DNAH11: variants seen among roughly 807,000 people sequenced by gnomAD.
The protein encoded by DNAH11 is axonemal beta dynein heavy chain 11.
A neutral mutation model predicts 526.0 loss-of-function variants in DNAH11; 442 were observed. The observed-to-expected ratio is 0.84, with a 90% CI of 0.78 to 0.91. DNAH11 has a LOEUF of 0.91. Ranked by LOEUF, DNAH11 falls within the 40% of genes least tolerant of loss-of-function variation. The probability of loss-of-function intolerance (pLI) is 0.00; values close to 1 mark genes in which losing one functional copy is unlikely to be tolerated. For synonymous variants in DNAH11, 2,461 were observed against 1,935.9 expected, an observed-to-expected ratio of 1.27 and a Z score of -7.12; for missense variants, 6,989 against 5,448.7, an observed-to-expected ratio of 1.28 and a Z score of -8.90.
intron 79 of DNAH11, among the ~76,000 whole-genome samples, chr7:21,898,143 C>G (rs1164255099): frequency 6.6e-6 from 1 of 152,152 alleles, no homozygotes; most frequent in Non-Finnish European, 1.5e-5. Flanking sequence ...TTAGTTGTTA[C>G]AAATTGTCTG....
intron 76 of DNAH11, among the ~76,000 whole-genome samples, chr7:21,887,808 C>T (rs1462279622): frequency 6.6e-6 from 1 of 152,188 alleles, no homozygotes; most frequent in Non-Finnish European, 1.5e-5. Context: ...TTTCTTCTCA[C>T]TATAATCTGG....
intron 35 of DNAH11, among the ~76,000 whole-genome samples, chr7:21,693,722 A>T (rs1783725259): frequency 6.6e-6 from 1 of 152,136 alleles, no homozygotes; most frequent in South Asian, 2.1e-4. Flanking sequence ...TATTGGTGTT[A>T]TCTAGTTGAA....
At chr7:21,586,843 T>G (rs1784493277) in intron 9 of DNAH11, among the ~76,000 whole-genome samples, 2 of 152,166 alleles carry the variant, frequency 1.3e-5, no homozygotes, top group Admixed American at 1.3e-4. Context: ...AATGATCAGA[T>G]AACAAAATGA....
rs1784870051 is a variant in DNAH11, at chr7:21,901,670, AAATT to A, written c.*418_*421del. The A allele has an allele frequency of 6.4e-6, 1 of 157,094 alleles. No homozygotes were observed. 9.7% of individuals were successfully genotyped at this position (157,094 alleles called of 1,614,324 possible). ...TTTAATTTTTAACAAACAACAAATT[AAATT>A]ATTAGCCCTTAAACTCTTTCAAAAT... On this transcript the variant is annotated 3_prime_UTR_variant, in exon 82 of 82. Transcript: ENST00000409508.
intron 65 of DNAH11, among the ~76,000 whole-genome samples, chr7:21,824,978 T>A (rs1790213840): frequency 6.6e-6 from 1 of 152,120 alleles, no homozygotes; most frequent in Non-Finnish European, 1.5e-5. Context: ...TTCAAGTGAT[T>A]CTCCTGCCTC....
intron 8 of DNAH11, among the ~76,000 whole-genome samples, chr7:21,575,227 C>A (rs150503808): frequency 7.9e-5 from 12 of 152,256 alleles, no homozygotes; most frequent in Non-Finnish European, 1.0e-4. Context: ...TTGCTTGTTG[C>A]ATCCTCATTG....
intron 45 of DNAH11, among the ~76,000 whole-genome samples, chr7:21,726,590 G>A (rs566527970): frequency 2.0e-4 from 31 of 151,900 alleles, no homozygotes; most frequent in East Asian, 5.9e-4. Context: ...GGCCAGGCGC[G>A]GTGGTTCATA....
chr7:21,793,695 T>C (rs190627907), intron 61 of DNAH11, among the ~76,000 whole-genome samples: 65 of 152,308 alleles, frequency 4.3e-4, no homozygotes, highest in African/African-American at 1.5e-3. Context: ...CTATGTAGTC[T>C]AGTGTTTAGT....
chr7:21,711,700 T>TGGAG lies in DNAH11; in HGVS notation c.6835-11_6835-10insGAGG. 1.2e-6 allele frequency: 2 copies of TGGAG among 1,611,674 alleles called. No homozygotes were observed. The highest frequency in any genetic ancestry group is 1.7e-5 in the Admixed American group (1 of 59,878). ...CTTTTGCCCATGGGTGACAGTGTGC[T>TGGAG]GCTCACTCCAGGTGCTGACCCTCGC... On this transcript the variant is annotated splice_polypyrimidine_tract_variant and intron_variant, in intron 41 of 81. Transcript: ENST00000409508.
intron 64 of DNAH11, among the ~76,000 whole-genome samples, chr7:21,817,870 G>A (rs1789871475): frequency 6.6e-6 from 1 of 152,048 alleles, no homozygotes; most frequent in African/African-American, 2.4e-5. Context: ...TTTAATACAT[G>A]AAACTTTACT....
At chr7:21,567,296 G>A (rs1243767195) in intron 6 of DNAH11, among the ~76,000 whole-genome samples, 1 of 151,866 alleles carries the variant, frequency 6.6e-6, no homozygotes, top group African/African-American at 2.4e-5. Flanking sequence ...TTCTATAATT[G>A]TATTTCCTCT....
At chr7:21,853,558 C>T (rs1434250281) in intron 67 of DNAH11, among the ~76,000 whole-genome samples, 1 of 152,126 alleles carries the variant, frequency 6.6e-6, no homozygotes, top group East Asian at 1.9e-4. Context: ...TCCTTCTCTG[C>T]CCTACATTTT....
chr7:21,564,281 T>A lies in DNAH11; in HGVS notation c.1078T>A (p.Leu360Ile), dbSNP rs777435555. ...QETEFPQTRILIAPLFHTICL... is the reference protein window; with the variant it reads ...QETEFPQTRIIIAPLFHTICL... ...GACGGAATTCCCACAGACACGCATATTAATCGCTCCATTATTTCATACCAT... is the reference window on the plus strand; with the variant it reads ...GACGGAATTCCCACAGACACGCATAATAATCGCTCCATTATTTCATACCAT... Residue 360 changes from leucine to isoleucine, a missense_variant, in exon 6 of 82, where the codon TTA (leucine) becomes ATA (isoleucine). Leu to Ile is a conservative substitution (Grantham distance 5, BLOSUM62 2). Transcript: ENST00000409508. 83 of 1,613,596 alleles carry A rather than the reference T, an allele frequency of 5.1e-5. No individual in the cohort carries two copies. The highest frequency in any genetic ancestry group is 7.0e-5 in the Non-Finnish European group (83 of 1,179,756).
At chr7:21,606,332 A>G in intron 18 of DNAH11, 94 bp from the exon 19 acceptor site, 1 of 1,106,100 alleles carries the variant, frequency 9.0e-7, no homozygotes, top group Non-Finnish European at 1.3e-6. Context: ...CAAGAGAAAA[A>G]AAAAAAAGAA....
chr7:21,716,691 C>G (rs150177949), intron 42 of DNAH11, among the ~76,000 whole-genome samples: 1 of 152,166 alleles, frequency 6.6e-6, no homozygotes, highest in Admixed American at 6.5e-5. Flanking sequence ...GGCACTGACA[C>G]CTGCTTTCCA....
At chr7:21,821,490 T>C (rs1790047829) in intron 65 of DNAH11, among the ~76,000 whole-genome samples, 1 of 152,162 alleles carries the variant, frequency 6.6e-6, no homozygotes, top group Non-Finnish European at 1.5e-5. Context: ...GAGACATTAA[T>C]TAACGTCCTC....
At chr7:21,695,198 C>T (rs893221672) in intron 35 of DNAH11, among the ~76,000 whole-genome samples, 6 of 152,140 alleles carry the variant, frequency 3.9e-5, no homozygotes, top group Admixed American at 2.0e-4. Context: ...AATGCTATTC[C>T]CATCAAGCTA....
At chr7:21,722,892 T>C (rs1440436003) in intron 44 of DNAH11, among the ~76,000 whole-genome samples, 2 of 152,152 alleles carry the variant, frequency 1.3e-5, no homozygotes, top group East Asian at 3.9e-4. Flanking sequence ...GCGGACATCT[T>C]CCCCCTCCTG....
intron 2 of DNAH11, among the ~76,000 whole-genome samples, chr7:21,549,206 C>T (rs1027401383): frequency 5.3e-5 from 8 of 152,122 alleles, no homozygotes; most frequent in Non-Finnish European, 1.2e-4. Context: ...AGTCTTATTT[C>T]CCCATGCATC....
Sources: gnomAD v4.1 joint callset for allele counts (sites outside exome capture counted in the v4.1 genomes callset) on GRCh38, gnomAD v4.1.1 for gene constraint, MANE v1.5 for transcripts, NCBI Gene and HGNC (gene_info 2026-07-23, HGNC 2026-07-21) for gene names.